ALCAM: variants seen among roughly 807,000 people sequenced by gnomAD.
The protein encoded by ALCAM is activated leukocyte cell adhesion molecule, also known as CD166 antigen.
A neutral mutation model predicts 70.9 loss-of-function variants in ALCAM; 30 were observed. The ratio of observed to expected loss-of-function variants is 0.42; its 90% CI spans 0.32 to 0.57. The LOEUF (loss-of-function observed/expected upper bound fraction) is 0.57. Among genes scored for constraint, ALCAM ranks in the 20% least tolerant of loss-of-function variants. The pLI, the probability that ALCAM is intolerant of heterozygous loss-of-function variation, is 0.11. For missense variants in ALCAM, 591 were observed against 695.1 expected, an observed-to-expected ratio of 0.85 and a Z score of 1.68; for synonymous variants, 249 against 242.5, an observed-to-expected ratio of 1.03 and a Z score of -0.25.
chr3:105,425,513 T>C (rs1331173444), intron 1 of ALCAM, among the ~76,000 whole-genome samples: 1 of 151,800 alleles, frequency 6.6e-6, no homozygotes, highest in Non-Finnish European at 1.5e-5. Flanking sequence ...AAATAATTTA[T>C]CACAAAAATT....
intron 1 of ALCAM, among the ~76,000 whole-genome samples, chr3:105,396,046 T>G (rs930738339): frequency 6.6e-6 from 1 of 151,996 alleles, no homozygotes; most frequent in Non-Finnish European, 1.5e-5. Context: ...TCTGTGCAAT[T>G]TCAAGAAGCC....
In ALCAM at chr3:105,575,465, T is replaced by G. The variant is rs1033692771; in HGVS notation, c.*1014T>G. 1.3e-5 allele frequency: 2 copies of G among 152,588 alleles called. No homozygotes were observed. Among genetic ancestry groups the G allele is most frequent in the African/African-American group, 4.8e-5 (2 of 41,426 alleles). 9.5% of individuals were successfully genotyped at this position (152,588 alleles called of 1,614,324 possible). ...TTCCACAGAATATAGAATATATATTTTTTTCGTGTGTGTTTTTGTTAACTA... is the reference window on the plus strand; with the variant it reads ...TTCCACAGAATATAGAATATATATTGTTTTCGTGTGTGTTTTTGTTAACTA... On this transcript the variant is annotated 3_prime_UTR_variant, in exon 16 of 16. Transcript: ENST00000306107.
At chr3:105,438,819 G>A (rs1937108775) in intron 1 of ALCAM, among the ~76,000 whole-genome samples, 1 of 152,066 alleles carries the variant, frequency 6.6e-6, no homozygotes, top group South Asian at 2.1e-4. Context: ...ACTGCAGTGA[G>A]TTAGGATTGT....
rs77924707 is a variant in ALCAM at position 105,371,157 on chromosome 3, C to A, written c.73+3676C>A. 7.8e-4 allele frequency among the ~76,000 whole-genome samples: 118 copies of A among 152,236 alleles called. No homozygotes were observed. In the East Asian group the frequency reaches 0.021, roughly 27 times the overall value. ...ACATTCAGATGAAAATGCATGTCTA[C>A]CATTGACTTATCAAAAAGAAGAAAA... is the stretch of plus-strand genomic sequence containing the variant. On this transcript the variant is annotated intron_variant, in intron 1 of 15. Transcript: ENST00000306107.
chr3:105,517,154 G>A (rs1419451656), intron 1 of ALCAM, among the ~76,000 whole-genome samples: 1 of 151,980 alleles, frequency 6.6e-6, no homozygotes, highest in Non-Finnish European at 1.5e-5. Context: ...ATCCCTAGGG[G>A]GCGCGAGATG....
chr3:105,399,511 T>C (rs1264040157), intron 1 of ALCAM, among the ~76,000 whole-genome samples: 1 of 152,162 alleles, frequency 6.6e-6, no homozygotes, highest in Non-Finnish European at 1.5e-5. Flanking sequence ...AAATGTATAT[T>C]GTTGCATATA....
At chr3:105,567,443 T>C (rs74803901) in intron 14 of ALCAM, among the ~76,000 whole-genome samples, 15 of 152,206 alleles carry the variant, frequency 9.9e-5, no homozygotes, top group African/African-American at 2.6e-4. Context: ...TTTTTTTTTT[T>C]CCACTGCCCT....
intron 3 of ALCAM, chr3:105,525,259 A>AATT (rs1371688503): frequency 5.1e-6 from 5 of 984,870 alleles, no homozygotes; most frequent in Non-Finnish European, 6.0e-6. Flanking sequence ...AACTTGGAAT[A>AATT]ATTATAGTCA....
At chr3:105,478,574 T>C (rs1418065145) in intron 1 of ALCAM, among the ~76,000 whole-genome samples, 2 of 152,128 alleles carry the variant, frequency 1.3e-5, no homozygotes, top group Non-Finnish European at 2.9e-5. Flanking sequence ...CTCCCAAGAA[T>C]TGACAACCCT....
chr3:105,504,862 C>T (rs1363029709), intron 1 of ALCAM, among the ~76,000 whole-genome samples: 1 of 152,242 alleles, frequency 6.6e-6, no homozygotes, highest in African/African-American at 2.4e-5. Context: ...ACGTCCCCCT[C>T]TACCCAGCTC....
chr3:105,447,686 T>C (rs1202038154), intron 1 of ALCAM, among the ~76,000 whole-genome samples: 1 of 152,210 alleles, frequency 6.6e-6, no homozygotes, highest in Non-Finnish European at 1.5e-5. Flanking sequence ...CGCTCCAGCC[T>C]GGGTGACAGA....
intron 12 of ALCAM, among the ~76,000 whole-genome samples, chr3:105,550,956 TAGTTGTTCCTA>T (rs1940387582): frequency 6.6e-6 from 1 of 151,622 alleles, no homozygotes. Flanking sequence ...TTCAATTCTA[TAGTTGTTCCTA>T]TTGTTTTGTC....
At chr3:105,421,265 T>C (rs2107415993) in intron 1 of ALCAM, among the ~76,000 whole-genome samples, 1 of 151,490 alleles carries the variant, frequency 6.6e-6, no homozygotes, top group African/African-American at 2.4e-5. Flanking sequence ...GAATTAAATA[T>C]AAGAGGGAAA....
At chr3:105,376,246 G>GC (rs1173316111) in intron 1 of ALCAM, among the ~76,000 whole-genome samples, 2 of 152,168 alleles carry the variant, frequency 1.3e-5, no homozygotes, top group Admixed American at 6.5e-5. Flanking sequence ...TTTTTGTTTA[G>GC]CCCCCCATTT....
intron 1 of ALCAM, among the ~76,000 whole-genome samples, chr3:105,518,559 T>C (rs1939442153): frequency 6.6e-6 from 1 of 152,072 alleles, no homozygotes; most frequent in Non-Finnish European, 1.5e-5. Flanking sequence ...TTATTTTTAT[T>C]TTAACAAAGT....
intron 15 of ALCAM, among the ~76,000 whole-genome samples, chr3:105,572,763 G>C (rs1219016084): frequency 6.6e-6 from 1 of 152,050 alleles, no homozygotes; most frequent in African/African-American, 2.4e-5. Flanking sequence ...TTTTCGAAAG[G>C]AAACTTTCGT....
At chr3:105,377,432 A>G (rs1559770075) in intron 1 of ALCAM, among the ~76,000 whole-genome samples, 2 of 152,140 alleles carry the variant, frequency 1.3e-5, no homozygotes, top group South Asian at 2.1e-4. Context: ...CTCAAAGAGT[A>G]CACATCTTTA....
intron 1 of ALCAM, among the ~76,000 whole-genome samples, chr3:105,425,485 C>A (rs1936767056): frequency 6.6e-6 from 1 of 151,712 alleles, no homozygotes; most frequent in Non-Finnish European, 1.5e-5. Flanking sequence ...GATTTTCATT[C>A]TCCAGCAATG....
chr3:105,371,462 T>G (rs1935228152), intron 1 of ALCAM, among the ~76,000 whole-genome samples: 1 of 152,036 alleles, frequency 6.6e-6, no homozygotes. Flanking sequence ...ATTCTTTAAT[T>G]TATTCCACTT....
Sources: allele counts gnomAD v4.1 joint callset (sites outside exome capture counted in the v4.1 genomes callset), GRCh38; gene constraint gnomAD v4.1.1; transcripts MANE v1.5; gene names NCBI Gene and HGNC (gene_info 2026-07-23, HGNC 2026-07-21).